ARHGEF33: variants seen among roughly 807,000 people sequenced by gnomAD.
The protein encoded by ARHGEF33 is Rho guanine nucleotide exchange factor 33.
A neutral mutation model predicts 101.9 loss-of-function variants in ARHGEF33; 72 were observed. The ratio of observed to expected loss-of-function variants is 0.71; its 90% CI spans 0.58 to 0.86. The LOEUF is 0.86. Among genes scored for constraint, ARHGEF33 ranks in the 40% least tolerant of loss-of-function variants. The pLI, the probability that ARHGEF33 is intolerant of heterozygous loss-of-function variation, is 0.00. For synonymous variants in ARHGEF33, 499 were observed against 442.5 expected (o/e 1.13, Z -1.60); for missense variants, 1,169 against 1,111.3 (o/e 1.05, Z -0.74).
At chr2:38,957,774 G>C in intron 14 of ARHGEF33, 1 of 412,454 alleles carries the variant, frequency 2.4e-6, no homozygotes, top group Non-Finnish European at 4.4e-6. Flanking sequence ...TCCCAAGCCA[G>C]GGTTCCTGTT....
At position 38,973,980 on chromosome 2, in the gene ARHGEF33, T is replaced by G; in HGVS notation, c.*137T>G. The G allele has an allele frequency of 2.0e-6, 1 of 506,904 alleles. No individual in the cohort carries two copies. Among genetic ancestry groups the G allele is most frequent in the Non-Finnish European group, 2.7e-6 (1 of 369,856 alleles). 31.4% of individuals were successfully genotyped at this position (506,904 alleles called of 1,614,324 possible). ...TATAAATCCCTGAGGAAAACTAATA[T>G]AAATACTTACATATGAAACTAAACA... On this transcript the variant is annotated 3_prime_UTR_variant, in exon 18 of 18. Transcript: ENST00000409978.
intron 4 of ARHGEF33, 43 bp downstream of exon 4, chr2:38,921,466 G>C: frequency 7.8e-7 from 1 of 1,275,038 alleles, no homozygotes. Context: ...ATGTATAATA[G>C]CAATGACTGA....
At chr2:38,932,213 C>G (rs1300857158) in intron 7 of ARHGEF33, among the ~76,000 whole-genome samples, 1 of 152,040 alleles carries the variant, frequency 6.6e-6, no homozygotes, top group Non-Finnish European at 1.5e-5. Flanking sequence ...ACTTCTGCCT[C>G]CCGGGTTCAA....
Position 38,957,963 on chromosome 2 carries a change from TGGCATAA to T in ARHGEF33, c.1371-70_1371-64del. 6 of 1,492,626 alleles carry T rather than the reference TGGCATAA, an allele frequency of 4.0e-6. No individual in the cohort carries two copies. In the Admixed American group the frequency reaches 6.0e-5, roughly 15 times the overall value. The allele number at this position is 1,492,626 out of a possible 1,614,324, so 92.5% of individuals were successfully genotyped here. On this transcript the variant is annotated intron_variant, in intron 14 of 17. Transcript: ENST00000409978. ...ATCTGAGACATCTCTCTATCTTTTT[TGGCATAA>T]TATGTGTTCAGAGAGCCAGTTTGCC...
chr2:38,926,760 C>T (rs1005153814), intron 4 of ARHGEF33, among the ~76,000 whole-genome samples: 8 of 152,076 alleles, frequency 5.3e-5, no homozygotes, highest in African/African-American at 1.9e-4. Flanking sequence ...AAAACTCTGC[C>T]TAAGGGAGCA....
chr2:38,914,737 A>T (rs1267174179), intron 2 of ARHGEF33, among the ~76,000 whole-genome samples: 3 of 151,764 alleles, frequency 2.0e-5, no homozygotes, highest in Non-Finnish European at 4.4e-5. Context: ...ACAATGTATT[A>T]TGTGAGAGTG....
At chr2:38,891,232 C>T (rs760722734) in intron 1 of ARHGEF33, among the ~76,000 whole-genome samples, 2 of 152,058 alleles carry the variant, frequency 1.3e-5, no homozygotes, top group Non-Finnish European at 2.9e-5. Flanking sequence ...CCATGCTCGG[C>T]CTTATTGTTA....
At chr2:38,954,912 G>C (rs936733692) in intron 13 of ARHGEF33, among the ~76,000 whole-genome samples, 2 of 152,134 alleles carry the variant, frequency 1.3e-5, no homozygotes, top group Middle Eastern at 3.2e-3. Flanking sequence ...GGGATTACAG[G>C]TGTGAGCCGC....
chr2:38,955,147 T>G (rs990909140), intron 13 of ARHGEF33, among the ~76,000 whole-genome samples: 1 of 152,216 alleles, frequency 6.6e-6, no homozygotes, highest in African/African-American at 2.4e-5. Flanking sequence ...ACCTGTTCAC[T>G]TAACTGCTAT....
At chr2:38,962,305 C>T (rs1466789171) in intron 16 of ARHGEF33, among the ~76,000 whole-genome samples, 1 of 152,186 alleles carries the variant, frequency 6.6e-6, no homozygotes, top group Non-Finnish European at 1.5e-5. Flanking sequence ...AACCTTCTAA[C>T]TAGTATAGTC....
intron 2 of ARHGEF33, among the ~76,000 whole-genome samples, chr2:38,918,126 G>A (rs564917525): frequency 1.4e-4 from 21 of 152,298 alleles, no homozygotes; most frequent in South Asian, 2.1e-4. Flanking sequence ...CTGGAGAATC[G>A]AGTTTGGGAT....
intron 2 of ARHGEF33, among the ~76,000 whole-genome samples, chr2:38,919,041 G>A (rs1321689400): frequency 2.0e-5 from 3 of 152,062 alleles, no homozygotes; most frequent in African/African-American, 7.2e-5. Context: ...ACAAGACCCT[G>A]TTTGAAAAAT....
intron 2 of ARHGEF33, among the ~76,000 whole-genome samples, chr2:38,899,043 G>C (rs1426888953): frequency 2.6e-5 from 4 of 151,916 alleles, no homozygotes; most frequent in Admixed American, 6.6e-5. Flanking sequence ...TTTTTAAAGA[G>C]TGGTCTTCTT....
At chr2:38,948,106 A>G (rs77534654) in intron 10 of ARHGEF33, among the ~76,000 whole-genome samples, 6 of 152,022 alleles carry the variant, frequency 3.9e-5, no homozygotes, top group African/African-American at 1.4e-4. Flanking sequence ...AAAAAAAAAA[A>G]GCTGAGCTCT....
At chr2:38,920,580 G>A (rs1296867422) in intron 3 of ARHGEF33, among the ~76,000 whole-genome samples, 1 of 151,662 alleles carries the variant, frequency 6.6e-6, no homozygotes, top group Non-Finnish European at 1.5e-5. Context: ...GCTAATTTTT[G>A]TGTTTTTAGT....
chr2:38,896,879 A>G (rs1429749630), intron 2 of ARHGEF33, among the ~76,000 whole-genome samples: 1 of 152,104 alleles, frequency 6.6e-6, no homozygotes, highest in Non-Finnish European at 1.5e-5. Flanking sequence ...AGTTTGGTAT[A>G]AATCCTTCCA....
rs184007089 is a variant in ARHGEF33 at position 38,962,757 on chromosome 2, G to A, written c.2343+2109G>A. Reference sequence around the variant, plus strand: ...TGGCCGGGTGCGGTGGCTCACGCCCGTAATCCTAGCACTTTGGGAGGCCGA... The same window carrying A: ...TGGCCGGGTGCGGTGGCTCACGCCCATAATCCTAGCACTTTGGGAGGCCGA... On this transcript the variant is annotated intron_variant, in intron 16 of 17. Coordinates refer to ENST00000409978, the MANE Select transcript of ARHGEF33 (RefSeq NM_001145451.5). Among the ~76,000 whole-genome samples the A allele has an allele frequency of 1.8e-3, 249 of 137,666 alleles. 1 individual carries two copies. Among genetic ancestry groups the A allele is most frequent in the African/African-American group, 6.2e-3 (228 of 36,592 alleles). The allele number at this position is 137,666 out of a possible 152,430, so 90.3% of individuals were successfully genotyped here.
At chr2:38,908,448 A>C (rs1345686961) in intron 2 of ARHGEF33, among the ~76,000 whole-genome samples, 2 of 152,206 alleles carry the variant, frequency 1.3e-5, no homozygotes, top group Admixed American at 6.5e-5. Flanking sequence ...TTTTAAACTT[A>C]AAATATCTCT....
rs201883435 is a variant in ARHGEF33, at chr2:38,929,743, C to A, written c.275C>A (p.Ala92Asp). ...AGCAATGCCATGTCGATGATCCAAG[C>A]CATCACTTCCAAACAAGAAGAAATG... is the stretch of plus-strand genomic sequence containing the variant. ...ELSNAMSMIQ[A>D]ITSKQEEMQQ... The change falls in exon 6 of 18, where the codon GCC becomes GAC. Residue 92 changes from alanine to aspartate, a missense_variant. Coordinates refer to ENST00000409978, the MANE Select transcript of ARHGEF33 (RefSeq NM_001145451.5). 391 of 1,551,638 alleles carry A rather than the reference C, an allele frequency of 2.5e-4. No homozygotes were observed. The highest frequency in any genetic ancestry group is 3.3e-4 in the Non-Finnish European group (382 of 1,146,802).
Sources: gnomAD v4.1 joint callset for allele counts (sites outside exome capture counted in the v4.1 genomes callset) on GRCh38, gnomAD v4.1.1 for gene constraint, MANE v1.5 for transcripts, NCBI Gene and HGNC (gene_info 2026-07-23, HGNC 2026-07-21) for gene names.